The following RCAN1 variants were observed in gnomAD, a reference collection of about 807,000 sequenced individuals.
The protein encoded by RCAN1 is calcipressin-1.
Under a neutral mutation model 22.9 loss-of-function variants are expected in RCAN1, and 11 were observed. The ratio of observed to expected loss-of-function variants is 0.48; its 90% CI spans 0.30 to 0.79. The LOEUF (loss-of-function observed/expected upper bound fraction) is 0.79, where lower values mean the gene tolerates loss of function less well. Ranked by LOEUF, RCAN1 falls within the 30% of genes least tolerant of loss-of-function variation. RCAN1 has a pLI of 0.06. For synonymous variants in RCAN1, 136 were observed against 142.3 expected (o/e 0.96, Z 0.32); for missense variants, 291 against 337.8 (o/e 0.86, Z 1.09).
rs1208941031 is a variant in RCAN1 at position 34,614,357 on chromosome 21, G to A, written c.252+403C>T. The A allele has an allele frequency of 3.5e-5, 35 of 990,836 alleles. No homozygotes were observed. Among genetic ancestry groups the A allele is most frequent in the Non-Finnish European group, 4.0e-5 (33 of 833,700 alleles). The allele number at this position is 990,836 out of a possible 1,614,324, so 61.4% of individuals were successfully genotyped here. A position where few individuals can be genotyped will look rare whatever the true frequency, so the allele number is the denominator to read the frequency against. Reference sequence around the variant, plus strand: ...CTATTTATGAACACTGAGTCACGTCGCCGCTCAATGTCTGTTTCCTCCTCC... The same window carrying A: ...CTATTTATGAACACTGAGTCACGTCACCGCTCAATGTCTGTTTCCTCCTCC... On this transcript the variant is annotated intron_variant, in intron 1 of 3. Transcript: ENST00000313806. The surrounding 1 kb of genome is among the most constrained non-coding windows in gnomAD (Gnocchi z 6.0).
At chr21:34,538,252 C>T (rs984297968) in intron 1 of RCAN1, among the ~76,000 whole-genome samples, 11 of 152,148 alleles carry the variant, frequency 7.2e-5, no homozygotes, top group Non-Finnish European at 7.3e-5. Flanking sequence ...AAAGATCATT[C>T]GGAGAAGAGA....
At chr21:34,575,322 T>C (rs1024559806) in intron 1 of RCAN1, among the ~76,000 whole-genome samples, 4 of 152,178 alleles carry the variant, frequency 2.6e-5, no homozygotes, top group Non-Finnish European at 5.9e-5. Flanking sequence ...CATTTCCCAC[T>C]TCCCTCCTTT....
At chr21:34,604,791 G>A (rs1988472343) in intron 1 of RCAN1, among the ~76,000 whole-genome samples, 1 of 152,190 alleles carries the variant, frequency 6.6e-6, no homozygotes, top group African/African-American at 2.4e-5. Flanking sequence ...GGGGAAGTGG[G>A]CTGCCAGCCT....
At chr21:34,530,340 G>A (rs1438898939) in intron 1 of RCAN1, among the ~76,000 whole-genome samples, 1 of 152,098 alleles carries the variant, frequency 6.6e-6, no homozygotes, top group African/African-American at 2.4e-5. Context: ...GAAAAATTAA[G>A]GTTTATGATG....
Position 34,518,154 on chromosome 21 carries a change from C to CT in RCAN1, c.688dup (p.Arg230LysfsTer6). 1 of 1,614,234 alleles carries CT rather than the reference C, an allele frequency of 6.2e-7. No individual in the cohort carries two copies. Among genetic ancestry groups the CT allele is most frequent in the Non-Finnish European group, 8.5e-7 (1 of 1,180,048 alleles). The stretch of plus-strand genomic sequence containing the variant: ...AATTTTTGGCTTAGGTCTCCTCATT[C>CT]TTTCCATTTCCTCTTCTTCCTCCTT... On this transcript the variant is annotated frameshift_variant, in exon 4 of 4. Coordinates refer to ENST00000313806, the MANE Select transcript of RCAN1 (RefSeq NM_004414.7). LOFTEE classifies it high-confidence loss of function. This position sits in a 1 kb window ranked among gnomAD's most constrained non-coding sequence, Gnocchi z 4.2.
At chr21:34,562,428 T>C (rs913642294) in intron 1 of RCAN1, among the ~76,000 whole-genome samples, 1 of 152,136 alleles carries the variant, frequency 6.6e-6, no homozygotes, top group African/African-American at 2.4e-5. Flanking sequence ...AGGTGACAAA[T>C]GCTGTGGGCA....
Position 34,587,887 on chromosome 21 carries a change from A to G in RCAN1, c.252+26873T>C, listed in dbSNP as rs188593876. 2.4e-4 allele frequency among the ~76,000 whole-genome samples: 37 copies of G among 152,340 alleles called. 1 individual carries two copies. The highest frequency in any genetic ancestry group is 2.4e-3 in the Admixed American group (36 of 15,302). ...TAGATTAGTGAACTCTGAGTAAAGT[A>G]TATTGGCAGGGAGCTCATCCAATCA... On this transcript the variant is annotated intron_variant, in intron 1 of 3. Coordinates refer to ENST00000313806, the MANE Select transcript of RCAN1 (RefSeq NM_004414.7).
At chr21:34,545,961 T>C (rs573281682) in intron 1 of RCAN1, among the ~76,000 whole-genome samples, 1 of 152,334 alleles carries the variant, frequency 6.6e-6, no homozygotes, top group East Asian at 1.9e-4. Flanking sequence ...CTTTGAAACA[T>C]GTCATTTCAA....
intron 1 of RCAN1, among the ~76,000 whole-genome samples, chr21:34,551,903 A>G (rs1263604450): frequency 1.3e-5 from 2 of 152,210 alleles, no homozygotes; most frequent in Non-Finnish European, 2.9e-5. Context: ...TGTCCAGTCA[A>G]TGGAGAAAGG....
chr21:34,559,103 A>G (rs953510103), intron 1 of RCAN1: 2 of 152,200 alleles, frequency 1.3e-5, no homozygotes, highest in Admixed American at 1.3e-4. Flanking sequence ...TGAAATTCCC[A>G]CTAGGGCCAC....
At chr21:34,570,394 T>C (rs574105139) in intron 1 of RCAN1, among the ~76,000 whole-genome samples, 1 of 152,338 alleles carries the variant, frequency 6.6e-6, no homozygotes, top group East Asian at 1.9e-4. Flanking sequence ...TACTTACCAG[T>C]GGTGTAAGAG....
intron 1 of RCAN1, among the ~76,000 whole-genome samples, chr21:34,576,255 T>C (rs1169944827): frequency 1.3e-5 from 2 of 152,204 alleles, no homozygotes; most frequent in Non-Finnish European, 2.9e-5. Context: ...GTCAGATAAG[T>C]GCAATAAACA....
chr21:34,556,155 G>A (rs1003721793), intron 1 of RCAN1, among the ~76,000 whole-genome samples: 2 of 150,178 alleles, frequency 1.3e-5, no homozygotes, highest in African/African-American at 4.9e-5. Flanking sequence ...TAGGTGAGGT[G>A]GTACATGTCT....
chr21:34,588,172 C>T (rs1377616618), intron 1 of RCAN1, among the ~76,000 whole-genome samples: 1 of 152,168 alleles, frequency 6.6e-6, no homozygotes, highest in Non-Finnish European at 1.5e-5. Context: ...ATTTCATAAA[C>T]ATAATGTTGA....
chr21:34,594,796 C>G (rs1321116211), intron 1 of RCAN1, among the ~76,000 whole-genome samples: 1 of 152,194 alleles, frequency 6.6e-6, no homozygotes, highest in Non-Finnish European at 1.5e-5. Context: ...CCCATACAAA[C>G]TCGCCAGGCC....
intron 1 of RCAN1, among the ~76,000 whole-genome samples, chr21:34,531,080 C>T (rs1985368538): frequency 6.6e-6 from 1 of 152,174 alleles, no homozygotes; most frequent in South Asian, 2.1e-4. Context: ...GGTTCTTATT[C>T]TCAACTTTTA....
At chr21:34,591,465 G>C (rs983036093) in intron 1 of RCAN1, among the ~76,000 whole-genome samples, 13 of 152,134 alleles carry the variant, frequency 8.5e-5, no homozygotes, top group African/African-American at 3.1e-4. Flanking sequence ...ATGGGCCCTG[G>C]GGGGGAACAC....
At chr21:34,603,429 G>A (rs1988425080) in intron 1 of RCAN1, among the ~76,000 whole-genome samples, 1 of 152,218 alleles carries the variant, frequency 6.6e-6, no homozygotes, top group Non-Finnish European at 1.5e-5. Context: ...CGCTGGGAAA[G>A]GGGAGAACAT....
intron 1 of RCAN1, among the ~76,000 whole-genome samples, chr21:34,569,217 T>C (rs560339596): frequency 2.6e-4 from 39 of 152,312 alleles, no homozygotes; most frequent in African/African-American, 7.9e-4. Context: ...AGTCACACTA[T>C]AGGTTGCATA....
Sources: gnomAD v4.1 joint callset for allele counts (sites outside exome capture counted in the v4.1 genomes callset) on GRCh38, gnomAD v4.1.1 for gene constraint, Gnocchi (gnomAD v3.1) non-coding constraint, MANE v1.5 for transcripts, NCBI Gene and HGNC (gene_info 2026-07-23, HGNC 2026-07-21) for gene names.